Variants in PLCB1 observed in about 807,000 individuals in gnomAD.
PLCB1 encodes the protein phospholipase C beta 1.
In PLCB1, 46 loss-of-function variants were observed where a neutral mutation model predicts 161.8. The ratio of observed to expected loss-of-function variants is 0.28; its 90% CI spans 0.22 to 0.36. The LOEUF is 0.36. PLCB1 is among the 10% of genes least tolerant of loss of function. PLCB1 has a pLI of 1.00. For synonymous variants in PLCB1, 517 were observed against 503.7 expected (o/e 1.03, Z -0.35); for missense variants, 1,016 against 1,472.5 (o/e 0.69, Z 5.07).
At chr20:8,670,910 G>A (rs1012940653) in intron 9 of PLCB1, among the ~76,000 whole-genome samples, 4 of 152,222 alleles carry the variant, frequency 2.6e-5, no homozygotes, top group African/African-American at 7.2e-5. Flanking sequence ...AACGTGAGCC[G>A]AGAAATTGCT....
intron 9 of PLCB1, among the ~76,000 whole-genome samples, chr20:8,672,544 G>C (rs1430849901): frequency 6.6e-6 from 1 of 151,810 alleles, no homozygotes; most frequent in Non-Finnish European, 1.5e-5. Context: ...CTAGTTCTTT[G>C]ATGCCATGAT....
intron 2 of PLCB1, among the ~76,000 whole-genome samples, chr20:8,193,786 C>G (rs2051995115): frequency 6.6e-6 from 1 of 151,354 alleles, no homozygotes; most frequent in Non-Finnish European, 1.5e-5. Flanking sequence ...AGAACATTGC[C>G]CTGTAGACTT....
intron 2 of PLCB1, among the ~76,000 whole-genome samples, chr20:8,352,740 C>T (rs1986221189): frequency 6.6e-6 from 1 of 151,868 alleles, no homozygotes; most frequent in Non-Finnish European, 1.5e-5. Flanking sequence ...GTTCTGAGAC[C>T]AGTATTCTTA....
chr20:8,146,887 C>A (rs2051459386), intron 1 of PLCB1, among the ~76,000 whole-genome samples: 1 of 152,158 alleles, frequency 6.6e-6, no homozygotes, highest in Non-Finnish European at 1.5e-5. Flanking sequence ...ATTTACTGAA[C>A]ATTATCTGCT....
At chr20:8,687,211 G>A (rs748633235) in intron 10 of PLCB1, among the ~76,000 whole-genome samples, 1 of 151,938 alleles carries the variant, frequency 6.6e-6, no homozygotes, top group Non-Finnish European at 1.5e-5. Context: ...TTCTTGTAAA[G>A]ACAAGGTCTC....
At chr20:8,439,697 T>C (rs941427223) in intron 3 of PLCB1, among the ~76,000 whole-genome samples, 1 of 152,206 alleles carries the variant, frequency 6.6e-6, no homozygotes, top group African/African-American at 2.4e-5. Flanking sequence ...AAATCTTCAT[T>C]ACTATATTTT....
At chr20:8,290,356 G>C (rs986944215) in intron 2 of PLCB1, among the ~76,000 whole-genome samples, 5 of 152,178 alleles carry the variant, frequency 3.3e-5, no homozygotes, top group Admixed American at 2.6e-4. Flanking sequence ...GTGAGACAGG[G>C]AGAGGAGGAA....
At chr20:8,186,132 T>A (rs904908120) in intron 2 of PLCB1, among the ~76,000 whole-genome samples, 5 of 152,208 alleles carry the variant, frequency 3.3e-5, no homozygotes, top group African/African-American at 1.2e-4. Flanking sequence ...TAAAATGGTT[T>A]ATACTTTCTG....
At chr20:8,858,452 G>A (rs1987140106) in intron 31 of PLCB1, among the ~76,000 whole-genome samples, 1 of 152,190 alleles carries the variant, frequency 6.6e-6, no homozygotes, top group South Asian at 2.1e-4. Flanking sequence ...TCCAATGATA[G>A]GACAGGGATG....
chr20:8,317,994 C>CT (rs201783826), intron 2 of PLCB1, among the ~76,000 whole-genome samples: 11,301 of 140,454 alleles, frequency 0.08, 1,353 homozygotes, highest in African/African-American at 0.26. Context: ...TATTTCTTTT[C>CT]TTTTTTTTTT....
At chr20:8,278,731 G>C (rs1261195772) in intron 2 of PLCB1, among the ~76,000 whole-genome samples, 2 of 152,066 alleles carry the variant, frequency 1.3e-5, no homozygotes, top group African/African-American at 2.4e-5. Context: ...GTAGGGTGAA[G>C]ATTGGTGTAA....
At chr20:8,542,150 A>G (rs1398721896) in intron 3 of PLCB1, among the ~76,000 whole-genome samples, 1 of 152,188 alleles carries the variant, frequency 6.6e-6, no homozygotes, top group Non-Finnish European at 1.5e-5. Context: ...TAAACATCCC[A>G]GAAGTGAGTG....
chr20:8,542,660 AT>A (rs1231687552), intron 3 of PLCB1, among the ~76,000 whole-genome samples: 1 of 152,180 alleles, frequency 6.6e-6, no homozygotes, highest in Admixed American at 6.5e-5. Flanking sequence ...TTTCCTTCTG[AT>A]TTGGTTGGGA....
chr20:8,428,849 C>T (rs945006184), intron 3 of PLCB1, among the ~76,000 whole-genome samples: 2 of 152,118 alleles, frequency 1.3e-5, no homozygotes, highest in Non-Finnish European at 2.9e-5. Context: ...TAGCATTCTG[C>T]TTGGCATCTC....
intron 31 of PLCB1, chr20:8,792,625 G>A (rs1425477517): frequency 1.1e-5 from 5 of 471,100 alleles, no homozygotes; most frequent in Non-Finnish European, 2.2e-5. Context: ...CTTCCATGAG[G>A]TTGCTCCATG....
At chr20:8,448,974 A>G (rs1351456148) in intron 3 of PLCB1, among the ~76,000 whole-genome samples, 5 of 152,210 alleles carry the variant, frequency 3.3e-5, no homozygotes, top group African/African-American at 1.2e-4. Context: ...AGAAACTACT[A>G]GTGAATGTGA....
At position 8,233,720 on chromosome 20, in the gene PLCB1, C is replaced by T. The variant is rs371776469; in HGVS notation, c.177+83349C>T. ...ACATCCCCCTAACTGCACCCTCCTC[C>T]CACCACCCTGCTCCCTTCCTGAATT... On this transcript the variant is annotated intron_variant, in intron 2 of 31. Transcript: ENST00000338037. Among the ~76,000 whole-genome samples the T allele has an allele frequency of 2.4e-4, 37 of 152,212 alleles. 1 individual carries two copies. Among genetic ancestry groups the T allele is most frequent in the South Asian group, 6.2e-4 (3 of 4,816 alleles).
At chr20:8,826,356 G>A (rs140756173) in intron 31 of PLCB1, among the ~76,000 whole-genome samples, 316 of 152,086 alleles carry the variant, frequency 2.1e-3, no homozygotes, top group African/African-American at 7.1e-3. Flanking sequence ...TTAGGTGGGC[G>A]TGGTGGCAGG....
chr20:8,436,240 A>G (rs1182726430), intron 3 of PLCB1, among the ~76,000 whole-genome samples: 2 of 151,942 alleles, frequency 1.3e-5, no homozygotes. Context: ...AGGCACAAGA[A>G]TCAAGAATCA....
Sources: gnomAD v4.1 joint callset for allele counts (sites outside exome capture counted in the v4.1 genomes callset) on GRCh38, gnomAD v4.1.1 for gene constraint, MANE v1.5 for transcripts, NCBI Gene and HGNC (gene_info 2026-07-23, HGNC 2026-07-21) for gene names.